The following KCNQ1 variants were observed in gnomAD, a reference collection of about 807,000 sequenced individuals.
KCNQ1 encodes the protein potassium voltage-gated channel subfamily Q member 1, also known as potassium voltage-gated channel subfamily KQT member 1.
In KCNQ1, 49 loss-of-function variants were observed where a neutral mutation model predicts 72.4. The observed-to-expected ratio is 0.68, with a 90% CI of 0.54 to 0.86. The LOEUF is 0.86. Among genes scored for constraint, KCNQ1 ranks in the 40% least tolerant of loss-of-function variants. The pLI is 0.00. For synonymous variants in KCNQ1, 450 were observed against 412.6 expected (o/e 1.09, Z -1.10); for missense variants, 790 against 945.1 (o/e 0.84, Z 2.15).
intron 2 of KCNQ1, among the ~76,000 whole-genome samples, chr11:2,533,875 C>CGCCAA (rs1564809017): frequency 1.3e-5 from 2 of 152,248 alleles, no homozygotes; most frequent in Non-Finnish European, 2.9e-5. Context: ...GGCTAGTCCG[C>CGCCAA]GCCTTTGGTG....
chr11:2,569,640 C>A (rs1026227401), intron 2 of KCNQ1, among the ~76,000 whole-genome samples: 6 of 152,222 alleles, frequency 3.9e-5, no homozygotes, highest in African/African-American at 1.4e-4. Context: ...CATCTTCCAG[C>A]CCCACACACC....
intron 13 of KCNQ1, among the ~76,000 whole-genome samples, chr11:2,776,268 G>A (rs1259100610): frequency 6.6e-6 from 1 of 152,070 alleles, no homozygotes; most frequent in East Asian, 1.9e-4. Context: ...GCTCTACCTT[G>A]TTCCCCGCCC....
intron 11 of KCNQ1, among the ~76,000 whole-genome samples, chr11:2,709,581 G>T (rs1850971078): frequency 6.6e-6 from 1 of 152,010 alleles, no homozygotes; most frequent in Non-Finnish European, 1.5e-5. Context: ...TCTAGTTCCA[G>T]AACATTTTCA....
At chr11:2,744,482 G>A (rs1419009088) in intron 11 of KCNQ1, among the ~76,000 whole-genome samples, 1 of 152,208 alleles carries the variant, frequency 6.6e-6, no homozygotes, top group African/African-American at 2.4e-5. Flanking sequence ...ACTTGTTTGC[G>A]GTTGCTCCTG....
At chr11:2,841,288 A>AAAG (rs988927256) in intron 15 of KCNQ1, among the ~76,000 whole-genome samples, 24 of 152,140 alleles carry the variant, frequency 1.6e-4, no homozygotes, top group Admixed American at 3.3e-4. Context: ...GGGCACTGCA[A>AAAG]AAGGAGACTG....
In KCNQ1 at chr11:2,691,616, C is replaced by A; in HGVS notation, c.1514+29535C>A. On this transcript the variant is annotated intron_variant, in intron 11 of 15. Coordinates refer to ENST00000155840, the MANE Select transcript of KCNQ1 (RefSeq NM_000218.3). The surrounding 1 kb of genome is among the most constrained non-coding windows in gnomAD (Gnocchi z 6.4). ...GGGAGTCAACCTAGCTTGTTCCCTG[C>A]ACGTACTGTGGGGAGGTCCTCTTTA... is the stretch of plus-strand genomic sequence containing the variant. The A allele has an allele frequency of 2.5e-6, 1 of 398,600 alleles. No homozygotes were observed. Among genetic ancestry groups the A allele is most frequent in the African/African-American group, 2.1e-5 (1 of 48,726 alleles). 24.7% of individuals were successfully genotyped at this position (398,600 alleles called of 1,614,324 possible).
At chr11:2,838,759 T>C (rs1848139435) in intron 15 of KCNQ1, among the ~76,000 whole-genome samples, 1 of 152,024 alleles carries the variant, frequency 6.6e-6, no homozygotes, top group Non-Finnish European at 1.5e-5. Context: ...GGCTGGGGTT[T>C]GGCTGAGGCA....
intron 1 of KCNQ1, among the ~76,000 whole-genome samples, chr11:2,506,403 C>T (rs1331178854): frequency 2.0e-5 from 3 of 152,166 alleles, no homozygotes; most frequent in African/African-American, 7.2e-5. Flanking sequence ...TTTTTTACAG[C>T]CACCCCATAC....
intron 10 of KCNQ1, chr11:2,622,432 G>A (rs1849189765): frequency 2.5e-6 from 1 of 397,954 alleles, no homozygotes; most frequent in Admixed American, 4.4e-5. Context: ...CAATCTACTT[G>A]TGTCTTTAGA....
chr11:2,687,760 G>A lies in KCNQ1; in HGVS notation c.1514+25679G>A. ...AATCATGGGGAGACTGAGAAGAGGA[G>A]CCCCTTAGCAGGCCTAACCACACCC... On this transcript the variant is annotated intron_variant, in intron 11 of 15. Coordinates refer to ENST00000155840, the MANE Select transcript of KCNQ1 (RefSeq NM_000218.3). This position sits in a 1 kb window ranked among gnomAD's most constrained non-coding sequence, Gnocchi z 5.0. The A allele has an allele frequency of 2.5e-6, 1 of 398,712 alleles. No individual in the cohort carries two copies. Among genetic ancestry groups the A allele is most frequent in the East Asian group, 3.6e-5 (1 of 28,066 alleles). The allele number at this position is 398,712 out of a possible 1,614,324, so 24.7% of individuals were successfully genotyped here. A position where few individuals can be genotyped will look rare whatever the true frequency, so the allele number is the denominator to read the frequency against.
chr11:2,689,268 C>T (rs780455938), intron 11 of KCNQ1: 1 of 398,742 alleles, frequency 2.5e-6, no homozygotes, highest in Non-Finnish European at 4.4e-6. Flanking sequence ...TTCCTATCAG[C>T]CTTTGCACAG....
chr11:2,458,293 G>A lies in KCNQ1; in HGVS notation c.386+12809G>A, dbSNP rs1261614206. On this transcript the variant is annotated intron_variant, in intron 1 of 15. Transcript: ENST00000155840. The surrounding 1 kb of genome is among the most constrained non-coding windows in gnomAD (Gnocchi z 4.6). ...CTGATACTGAGGGGCAAAACCAGTG[G>A]ACTTTGATTTGCATTTCTCTAAAGA... Among the ~76,000 whole-genome samples, 1 of 152,204 alleles carries A rather than the reference G, an allele frequency of 6.6e-6. No individual in the cohort carries two copies. The highest frequency in any genetic ancestry group is 2.4e-5 in the African/African-American group (1 of 41,442).
intron 10 of KCNQ1, chr11:2,643,020 A>G (rs1849604026): frequency 2.5e-6 from 1 of 397,848 alleles, no homozygotes. Flanking sequence ...CTGAGAAGAT[A>G]TGTGATATGA....
At chr11:2,832,944 C>A (rs868273502) in intron 15 of KCNQ1, among the ~76,000 whole-genome samples, 1 of 152,152 alleles carries the variant, frequency 6.6e-6, no homozygotes, top group Admixed American at 6.5e-5. Context: ...TGACCTGGTC[C>A]CTCCCCTCTC....
In KCNQ1 at chr11:2,826,489, T is replaced by C. The variant is rs531784304; in HGVS notation, c.1795-21278T>C. Among the ~76,000 whole-genome samples, 309 of 152,352 alleles carry C rather than the reference T, an allele frequency of 2.0e-3. 1 individual carries two copies. The highest frequency in any genetic ancestry group is 6.9e-3 in the African/African-American group (287 of 41,588). On this transcript the variant is annotated intron_variant, in intron 15 of 15. Coordinates refer to ENST00000155840, the MANE Select transcript of KCNQ1 (RefSeq NM_000218.3). The surrounding 1 kb of genome is among the most constrained non-coding windows in gnomAD (Gnocchi z 4.2). Reference sequence around the variant, plus strand: ...ACGGAAACTCAGGCAGACCCGGCGTTGGGTGCGCCAGGCCGGTGTGGGAGC... The same window carrying C: ...ACGGAAACTCAGGCAGACCCGGCGTCGGGTGCGCCAGGCCGGTGTGGGAGC...
At chr11:2,820,544 C>T (rs1350245670) in intron 15 of KCNQ1, among the ~76,000 whole-genome samples, 1 of 151,890 alleles carries the variant, frequency 6.6e-6, no homozygotes, top group Non-Finnish European at 1.5e-5. Flanking sequence ...TGCGACTCCT[C>T]CACCTCCTGA....
intron 1 of KCNQ1, among the ~76,000 whole-genome samples, chr11:2,490,312 G>A (rs1846814087): frequency 6.6e-6 from 1 of 152,228 alleles, no homozygotes; most frequent in African/African-American, 2.4e-5. Context: ...CCTTGCTCCT[G>A]GATGGCATCT....
At chr11:2,786,335 C>T (rs747365094) in intron 15 of KCNQ1, among the ~76,000 whole-genome samples, 14 of 152,190 alleles carry the variant, frequency 9.2e-5, no homozygotes, top group Non-Finnish European at 1.5e-4. Context: ...GGAAGACAAT[C>T]TGTCTTTTTT....
In KCNQ1 at chr11:2,451,703, G is replaced by A. The variant is rs964350857; in HGVS notation, c.386+6219G>A. Among the ~76,000 whole-genome samples, 2 of 152,210 alleles carry A rather than the reference G, an allele frequency of 1.3e-5. No homozygotes were observed. The highest frequency in any genetic ancestry group is 4.8e-5 in the African/African-American group (2 of 41,458). Reference sequence around the variant, plus strand: ...GATGGAAGAGCCGGGCTGGGGAGCTGACTCCAGGACAGGCCCCTGCCCGCT... The same window carrying A: ...GATGGAAGAGCCGGGCTGGGGAGCTAACTCCAGGACAGGCCCCTGCCCGCT... On this transcript the variant is annotated intron_variant, in intron 1 of 15. Coordinates refer to ENST00000155840, the MANE Select transcript of KCNQ1 (RefSeq NM_000218.3). This position sits in a 1 kb window ranked among gnomAD's most constrained non-coding sequence, Gnocchi z 6.4.
Sources: gnomAD v4.1 joint callset for allele counts (sites outside exome capture counted in the v4.1 genomes callset) on GRCh38, gnomAD v4.1.1 for gene constraint, Gnocchi (gnomAD v3.1) non-coding constraint, MANE v1.5 for transcripts, NCBI Gene and HGNC (gene_info 2026-07-23, HGNC 2026-07-21) for gene names.